Variants in PDGFC observed in about 807,000 individuals in gnomAD.
PDGFC encodes the protein platelet-derived growth factor C.
Under a neutral mutation model 35.5 loss-of-function variants are expected in PDGFC, and 12 were observed. The ratio of observed to expected loss-of-function variants is 0.34; its 90% CI spans 0.22 to 0.55. PDGFC has a LOEUF of 0.55. Among genes scored for constraint, PDGFC ranks in the 20% least tolerant of loss-of-function variants. The probability of loss-of-function intolerance (pLI) is 0.91; values close to 1 mark genes in which losing one functional copy is unlikely to be tolerated. For missense variants in PDGFC, 322 were observed against 412.4 expected (o/e 0.78, Z 1.90); for synonymous variants, 159 against 148.8 (o/e 1.07, Z -0.50).
intron 1 of PDGFC, among the ~76,000 whole-genome samples, chr4:156,871,010 T>C (rs1736538010): frequency 6.6e-6 from 1 of 152,146 alleles, no homozygotes; most frequent in African/African-American, 2.4e-5. Flanking sequence ...GAAAATCCTA[T>C]GGGCAAACAA....
In PDGFC at chr4:156,760,806, A is replaced by G. The variant is rs943670964; in HGVS notation, c.*2284T>C. 3.3e-5 allele frequency: 5 copies of G among 152,178 alleles called. No homozygotes were observed. Among genetic ancestry groups the G allele is most frequent in the Admixed American group, 2.0e-4 (3 of 15,266 alleles). The allele number at this position is 152,178 out of a possible 1,614,324, so 9.4% of individuals were successfully genotyped here. On this transcript the variant is annotated 3_prime_UTR_variant, in exon 6 of 6. Transcript: ENST00000502773. ...AAATAAATATTAAAAAAGGGAAAAT[A>G]TATTTCGTTCAAAGATGGGAAACAA...
At chr4:156,786,042 C>T (rs1368989391) in intron 3 of PDGFC, among the ~76,000 whole-genome samples, 2 of 152,096 alleles carry the variant, frequency 1.3e-5, no homozygotes, top group Admixed American at 6.6e-5. Flanking sequence ...TACTGTGAAA[C>T]TAATCACCAT....
intron 2 of PDGFC, among the ~76,000 whole-genome samples, chr4:156,831,034 T>A (rs773504564): frequency 9.9e-5 from 15 of 152,182 alleles, no homozygotes; most frequent in Non-Finnish European, 2.1e-4. Flanking sequence ...GGGGCCCATC[T>A]AATAATCTTT....
chr4:156,857,601 C>T (rs1026136443), intron 1 of PDGFC, among the ~76,000 whole-genome samples: 1 of 152,046 alleles, frequency 6.6e-6, no homozygotes, highest in African/African-American at 2.4e-5. Flanking sequence ...AAAGCTTCCA[C>T]ATGCAATGAA....
At chr4:156,862,042 T>C (rs1248026934) in intron 1 of PDGFC, among the ~76,000 whole-genome samples, 1 of 151,718 alleles carries the variant, frequency 6.6e-6, no homozygotes, top group Non-Finnish European at 1.5e-5. Context: ...AGAATAAGTT[T>C]CTTCTTGCTA....
intron 1 of PDGFC, among the ~76,000 whole-genome samples, chr4:156,896,040 A>G (rs1184488753): frequency 6.6e-6 from 1 of 152,206 alleles, no homozygotes; most frequent in Non-Finnish European, 1.5e-5. Flanking sequence ...ATTACAGACT[A>G]CAAAGAAAAT....
At chr4:156,770,028 T>C (rs142262623) in intron 4 of PDGFC, among the ~76,000 whole-genome samples, 8 of 152,168 alleles carry the variant, frequency 5.3e-5, no homozygotes, top group Non-Finnish European at 8.8e-5. Flanking sequence ...TTCATGATAA[T>C]AGAAAATGAG....
At chr4:156,770,852 G>A (rs1322111244) in intron 4 of PDGFC, among the ~76,000 whole-genome samples, 1 of 152,100 alleles carries the variant, frequency 6.6e-6, no homozygotes, top group Admixed American at 6.6e-5. Flanking sequence ...TAATCTGAGG[G>A]TGGTCTTTCT....
At chr4:156,876,662 C>T (rs889801762) in intron 1 of PDGFC, 2 of 152,072 alleles carry the variant, frequency 1.3e-5, no homozygotes, top group African/African-American at 2.4e-5. Context: ...CCTTAATTTC[C>T]CTGCTTGATT....
At chr4:156,893,540 T>C (rs1288248683) in intron 1 of PDGFC, among the ~76,000 whole-genome samples, 1 of 152,034 alleles carries the variant, frequency 6.6e-6, no homozygotes, top group Non-Finnish European at 1.5e-5. Context: ...TCTTACTCTG[T>C]TGACCAGGAC....
chr4:156,897,243 T>C (rs962457746), intron 1 of PDGFC, among the ~76,000 whole-genome samples: 1 of 151,966 alleles, frequency 6.6e-6, no homozygotes, highest in Non-Finnish European at 1.5e-5. Context: ...TGGGTTTTCT[T>C]TAATAATTCA....
chr4:156,909,167 A>G (rs1303191579), intron 1 of PDGFC, among the ~76,000 whole-genome samples: 1 of 152,186 alleles, frequency 6.6e-6, no homozygotes, highest in African/African-American at 2.4e-5. Flanking sequence ...GAGTTTGAGA[A>G]GAGAAAAATA....
rs60033232 is a variant in PDGFC, at chr4:156,825,593, TAAGAAGAAGAAGAAGAAGAAGAAGAAG to T, written c.315-14603_315-14577del. On this transcript the variant is annotated intron_variant, in intron 2 of 5. Coordinates refer to ENST00000502773, the MANE Select transcript of PDGFC (RefSeq NM_016205.3). ...ATAATAATAATAATAATAATAATAA[TAAGAAGAAGAAGAAGAAGAAGAAGAAG>T]AAGAAGAAGAAGAAGAAGAAGAAAA... Among the ~76,000 whole-genome samples the T allele has an allele frequency of 3.2e-3, 201 of 62,186 alleles. 1 individual carries two copies. Among genetic ancestry groups the T allele is most frequent in the South Asian group, 5.8e-3 (8 of 1,386 alleles). The allele number at this position is 62,186 out of a possible 152,430, so 40.8% of individuals were successfully genotyped here. A position where few individuals can be genotyped will look rare whatever the true frequency, so the allele number is the denominator to read the frequency against.
At chr4:156,769,798 C>G (rs1730643942) in intron 4 of PDGFC, among the ~76,000 whole-genome samples, 1 of 151,998 alleles carries the variant, frequency 6.6e-6, no homozygotes, top group Admixed American at 6.6e-5. Context: ...ATACATTCCT[C>G]TTTAATTGTT....
chr4:156,907,214 C>A lies in PDGFC; in HGVS notation c.119-56798G>T, dbSNP rs576356792. ...AAAATGCATGCCTTGTTAAGTGACA[C>A]CTGTCTTTCACATCTTTGTAATGTA... On this transcript the variant is annotated intron_variant, in intron 1 of 5. Transcript: ENST00000502773. 2.0e-5 allele frequency among the ~76,000 whole-genome samples: 3 copies of A among 152,208 alleles called. No homozygotes were observed. In the South Asian group the frequency reaches 6.2e-4, roughly 32 times the overall value.
At position 156,866,028 on chromosome 4, in the gene PDGFC, C is replaced by T. The variant is rs557330016; in HGVS notation, c.119-15612G>A. Among the ~76,000 whole-genome samples, 7 of 152,158 alleles carry T rather than the reference C, an allele frequency of 4.6e-5. No homozygotes were observed. The East Asian group carries it at 1.2e-3, about 25-fold the overall frequency. On this transcript the variant is annotated intron_variant, in intron 1 of 5. Coordinates refer to ENST00000502773, the MANE Select transcript of PDGFC (RefSeq NM_016205.3). ...CGTGCAGGTTTGTTACATATGTATACATGTGCCATGTTGGTGTGCTGCACC... is the reference window on the plus strand; with the variant it reads ...CGTGCAGGTTTGTTACATATGTATATATGTGCCATGTTGGTGTGCTGCACC...
At chr4:156,847,960 G>A (rs1306168534) in intron 2 of PDGFC, among the ~76,000 whole-genome samples, 4 of 151,624 alleles carry the variant, frequency 2.6e-5, no homozygotes, top group African/African-American at 4.8e-5. Context: ...TTTCACTGGG[G>A]AAAACAATGA....
At chr4:156,837,568 A>G (rs996047778) in intron 2 of PDGFC, among the ~76,000 whole-genome samples, 1 of 152,174 alleles carries the variant, frequency 6.6e-6, no homozygotes, top group Non-Finnish European at 1.5e-5. Context: ...TCATTATTTC[A>G]GTGGTATCAA....
intron 1 of PDGFC, among the ~76,000 whole-genome samples, chr4:156,918,947 A>G (rs1227556515): frequency 6.6e-6 from 1 of 152,226 alleles, no homozygotes; most frequent in Non-Finnish European, 1.5e-5. Flanking sequence ...ATATTGTACT[A>G]TAATAAAGCT....
Sources: gnomAD v4.1 joint callset for allele counts (sites outside exome capture counted in the v4.1 genomes callset) on GRCh38, gnomAD v4.1.1 for gene constraint, MANE v1.5 for transcripts, NCBI Gene and HGNC (gene_info 2026-07-23, HGNC 2026-07-21) for gene names.